Variants in MITF observed in about 807,000 individuals in gnomAD.
MITF encodes the protein melanocyte inducing transcription factor, also known as microphthalmia-associated transcription factor.
In MITF, 17 loss-of-function variants were observed where a neutral mutation model predicts 60.5. The ratio of observed to expected loss-of-function variants is 0.28; its 90% CI spans 0.19 to 0.42. The LOEUF (loss-of-function observed/expected upper bound fraction) is 0.42, where lower values mean the gene tolerates loss of function less well. Ranked by LOEUF, MITF falls within the 10% of genes least tolerant of loss-of-function variation. The pLI, the probability that MITF is intolerant of heterozygous loss-of-function variation, is 1.00. For missense variants in MITF, 622 were observed against 683.5 expected, an observed-to-expected ratio of 0.91 and a Z score of 1.00; for synonymous variants, 260 against 248.5, an observed-to-expected ratio of 1.05 and a Z score of -0.43.
At chr3:69,868,899 C>CAAAA (rs75440769) in intron 1 of MITF, among the ~76,000 whole-genome samples, 3 of 77,236 alleles carry the variant, frequency 3.9e-5, no homozygotes, top group African/African-American at 1.3e-4. Flanking sequence ...GACTCCATCT[C>CAAAA]AAAAAAAAAA....
intron 2 of MITF, among the ~76,000 whole-genome samples, chr3:69,916,062 C>T (rs2065327320): frequency 6.6e-6 from 1 of 152,194 alleles, no homozygotes. Flanking sequence ...AACATGAAAA[C>T]ATCATCATAT....
chr3:69,753,463 T>G (rs1704011605), intron 1 of MITF, among the ~76,000 whole-genome samples: 1 of 152,216 alleles, frequency 6.6e-6, no homozygotes, highest in Non-Finnish European at 1.5e-5. Flanking sequence ...CATTACCTAG[T>G]GGAGCTGTGA....
At chr3:69,817,243 C>G (rs760618738) in intron 1 of MITF, among the ~76,000 whole-genome samples, 2 of 151,902 alleles carry the variant, frequency 1.3e-5, no homozygotes, top group African/African-American at 2.4e-5. Flanking sequence ...TTTGATATAC[C>G]TGAAATGGTT....
intron 1 of MITF, among the ~76,000 whole-genome samples, chr3:69,770,396 C>T (rs1012106254): frequency 2.0e-5 from 3 of 152,126 alleles, no homozygotes; most frequent in African/African-American, 7.2e-5. Context: ...GTCACCTATC[C>T]AGGGTAGGTT....
At chr3:69,938,223 G>T in intron 3 of MITF, 174 bp downstream of exon 3, 2 of 1,109,300 alleles carry the variant, frequency 1.8e-6, no homozygotes, top group Non-Finnish European at 1.3e-6. Context: ...CTCCATCGCT[G>T]GGTTATTGGG....
At chr3:69,864,012 C>T (rs2064065034) in intron 1 of MITF, among the ~76,000 whole-genome samples, 1 of 152,076 alleles carries the variant, frequency 6.6e-6, no homozygotes, top group Non-Finnish European at 1.5e-5. Flanking sequence ...AATATTAATA[C>T]AGGACAGGTA....
chr3:69,755,036 G>C (rs1438478385), intron 1 of MITF, among the ~76,000 whole-genome samples: 1 of 152,248 alleles, frequency 6.6e-6, no homozygotes, highest in South Asian at 2.1e-4. Flanking sequence ...GTTGATACAG[G>C]TCAAATAGTG....
At chr3:69,826,816 A>T (rs1034025769) in intron 1 of MITF, among the ~76,000 whole-genome samples, 1 of 152,258 alleles carries the variant, frequency 6.6e-6, no homozygotes, top group Non-Finnish European at 1.5e-5. Flanking sequence ...ATAGCAAAGT[A>T]TCAGCCAAGC....
At chr3:69,791,799 A>G (rs1208667774) in intron 1 of MITF, among the ~76,000 whole-genome samples, 1 of 152,230 alleles carries the variant, frequency 6.6e-6, no homozygotes, top group African/African-American at 2.4e-5. Flanking sequence ...TTAAGTGTGT[A>G]TGCAAGAGGC....
At chr3:69,773,611 C>T (rs2062427802) in intron 1 of MITF, among the ~76,000 whole-genome samples, 1 of 152,124 alleles carries the variant, frequency 6.6e-6, no homozygotes, top group African/African-American at 2.4e-5. Flanking sequence ...TAGTTGCCTT[C>T]CTGTGAGTAT....
chr3:69,851,633 G>A (rs1425590393), intron 1 of MITF, among the ~76,000 whole-genome samples: 2 of 152,158 alleles, frequency 1.3e-5, no homozygotes, highest in East Asian at 1.9e-4. Context: ...AAACTGATAG[G>A]TGGTTTCTGG....
At chr3:69,896,580 C>T (rs536460516) in intron 2 of MITF, among the ~76,000 whole-genome samples, 1 of 152,276 alleles carries the variant, frequency 6.6e-6, no homozygotes, top group South Asian at 2.1e-4. Context: ...GTTATTCGTG[C>T]TCCGGTTATA....
rs1289211792 is a variant in MITF at position 69,966,944 on chromosome 3, A to G, written c.*1696A>G. On this transcript the variant is annotated 3_prime_UTR_variant, in exon 10 of 10. Coordinates refer to ENST00000352241, the MANE Select transcript of MITF (RefSeq NM_001354604.2). ...AAGACGAACATGTAGCATGGTGCCT[A>G]TGTAGACAATATAAGAGCTTCCAAT... The G allele has an allele frequency of 2.2e-5, 5 of 232,490 alleles. No homozygotes were observed. The highest frequency in any genetic ancestry group is 6.6e-5 in the African/African-American group (3 of 45,310). 14.4% of individuals were successfully genotyped at this position (232,490 alleles called of 1,614,324 possible).
intron 1 of MITF, among the ~76,000 whole-genome samples, chr3:69,767,029 G>A (rs369411326): frequency 6.6e-5 from 10 of 152,140 alleles, no homozygotes; most frequent in African/African-American, 2.4e-4. Context: ...AATTTTTCTG[G>A]TAGATTTAGC....
intron 1 of MITF, among the ~76,000 whole-genome samples, chr3:69,833,376 T>A (rs958452514): frequency 5.3e-5 from 8 of 152,240 alleles, no homozygotes; most frequent in Non-Finnish European, 1.0e-4. Context: ...TTACACTGTA[T>A]GTGGTTGTTT....
At chr3:69,749,630 A>G (rs909058662) in intron 1 of MITF, among the ~76,000 whole-genome samples, 6 of 152,260 alleles carry the variant, frequency 3.9e-5, no homozygotes, top group Non-Finnish European at 8.8e-5. Context: ...AGAGTTTACA[A>G]TAGCTTATGT....
At chr3:69,892,302 A>G (rs906295040) in intron 2 of MITF, among the ~76,000 whole-genome samples, 8 of 152,220 alleles carry the variant, frequency 5.3e-5, no homozygotes, top group Non-Finnish European at 8.8e-5. Context: ...TTTATTTTTT[A>G]GAGCAGCTTT....
rs147543360 is a variant in MITF, at chr3:69,796,101, A to G, written c.104+56400A>G. 7.4e-3 allele frequency among the ~76,000 whole-genome samples: 1,125 copies of G among 151,960 alleles called. 11 individuals carry two copies. Among genetic ancestry groups the G allele is most frequent in the African/African-American group, 0.026 (1,063 of 41,466 alleles). Reference sequence around the variant, plus strand: ...GGTTCAAATGATTCTCCTGTCTCAGACTCCCGAGTAGTAGGGATTACAGGC... The same window carrying G: ...GGTTCAAATGATTCTCCTGTCTCAGGCTCCCGAGTAGTAGGGATTACAGGC... On this transcript the variant is annotated intron_variant, in intron 1 of 9. Transcript: ENST00000352241.
At chr3:69,895,396 T>C (rs1280766293) in intron 2 of MITF, among the ~76,000 whole-genome samples, 1 of 152,160 alleles carries the variant, frequency 6.6e-6, no homozygotes, top group East Asian at 1.9e-4. Context: ...TGGTTATCAC[T>C]TACTGCATTC....
Sources: allele counts gnomAD v4.1 joint callset (sites outside exome capture counted in the v4.1 genomes callset), GRCh38; gene constraint gnomAD v4.1.1; transcripts MANE v1.5; gene names NCBI Gene and HGNC (gene_info 2026-07-23, HGNC 2026-07-21).